EIF3I: variants seen among roughly 807,000 people sequenced by gnomAD.
EIF3I encodes eukaryotic translation initiation factor 3 subunit I.
A neutral mutation model predicts 43.3 loss-of-function variants in EIF3I; 20 were observed. That is an observed-to-expected ratio of 0.46 (90% CI 0.32 to 0.67). EIF3I has a LOEUF of 0.67. Among genes scored for constraint, EIF3I ranks in the 30% least tolerant of loss-of-function variants. The pLI is 0.03. For synonymous variants in EIF3I, 167 were observed against 151.7 expected, an observed-to-expected ratio of 1.10 and a Z score of -0.74; for missense variants, 279 against 421.4, an observed-to-expected ratio of 0.66 and a Z score of 2.96.
intron 2 of EIF3I, among the ~76,000 whole-genome samples, chr1:32,223,260 C>G (rs1210248595): frequency 6.6e-6 from 1 of 152,318 alleles, no homozygotes; most frequent in South Asian, 2.1e-4. Context: ...CCTCATGATA[C>G]TGCCTTTTGA....
rs561677161 is a variant in EIF3I at position 32,225,731 on chromosome 1, A to G, written c.251-440A>G. On this transcript the variant is annotated intron_variant, in intron 4 of 11. Coordinates refer to ENST00000676679, the Ensembl canonical transcript of EIF3I. The stretch of plus-strand genomic sequence containing the variant: ...AGGACAAGAGCGAAACTCCATCTCA[A>G]AAAAAAAAAGGCCGGGCGCGGTGGC... Among the ~76,000 whole-genome samples the G allele has an allele frequency of 5.4e-3, 783 of 144,734 alleles. 6 individuals carry two copies. Among genetic ancestry groups the G allele is most frequent in the African/African-American group, 0.019 (750 of 38,712 alleles). 95.0% of individuals were successfully genotyped at this position (144,734 alleles called of 152,430 possible).
intron 4 of EIF3I, 39 bp from the exon 5 acceptor site, chr1:32,226,132 T>C: frequency 6.2e-7 from 1 of 1,601,422 alleles, no homozygotes; most frequent in African/African-American, 1.3e-5. Flanking sequence ...TCCCTGCAAT[T>C]GCAATGGATG....
At chr1:32,227,686 G>A (rs895822781) in intron 6 of EIF3I, among the ~76,000 whole-genome samples, 1 of 152,076 alleles carries the variant, frequency 6.6e-6, no homozygotes, top group Non-Finnish European at 1.5e-5. Context: ...GAGGCTGAAA[G>A]ATTGCTTGAG....
At chr1:32,230,787 G>A (rs1639223203) in intron 10 of EIF3I, 140 bp from the exon 10 acceptor site, 4 of 642,366 alleles carry the variant, frequency 6.2e-6, no homozygotes, top group East Asian at 6.3e-5. Flanking sequence ...TTGCGCCACT[G>A]TACTCCACCC....
intron 4 of EIF3I, among the ~76,000 whole-genome samples, chr1:32,225,571 C>T (rs911337846): frequency 1.3e-5 from 2 of 151,170 alleles, no homozygotes; most frequent in Non-Finnish European, 2.9e-5. Flanking sequence ...GGTGAAACCC[C>T]GTCTATTAAA....
At chr1:32,234,946 C>G (rs1315648317), downstream of EIF3I, 1 of 152,752 alleles carries the variant, frequency 6.5e-6, no homozygotes, top group Admixed American at 6.5e-5. Flanking sequence ...GTCAATGGGG[C>G]CTTACCTCTC....
chr1:32,232,497 T>C (rs1295012131), downstream of EIF3I, among the ~76,000 whole-genome samples: 2 of 152,120 alleles, frequency 1.3e-5, no homozygotes, highest in African/African-American at 4.8e-5. Flanking sequence ...GCATACCCAC[T>C]GTGCAAAGCA....
At chr1:32,226,514 A>G (rs750551140) in exon 6 of EIF3I, 1 of 1,566,230 alleles carries the variant, frequency 6.4e-7, no homozygotes, top group Non-Finnish European at 8.6e-7. Flanking sequence ...GGAGAGCTCA[A>G]CCAGTATAGT....
Position 32,226,326 on chromosome 1 carries a change from G to T in EIF3I, c.400+6G>T, listed in dbSNP as rs1215587645. On this transcript the variant is annotated splice_donor_region_variant and intron_variant, in intron 5 of 11. Transcript: ENST00000676679. The stretch of plus-strand genomic sequence containing the variant: ...GCGGGATCCGAGCCAGATTGGTGAG[G>T]GCTGGGAATAGGGCTGGGGTTGAGG... The T allele has an allele frequency of 6.2e-7, 1 of 1,614,012 alleles. No individual in the cohort carries two copies. Among genetic ancestry groups the T allele is most frequent in the African/African-American group, 1.3e-5 (1 of 74,912 alleles).
At chr1:32,228,587 C>T (rs762483424) in exon 7 of EIF3I, 2 of 1,614,176 alleles carry the variant, frequency 1.2e-6, no homozygotes, top group Non-Finnish European at 8.5e-7. Flanking sequence ...TTTGTGACCG[C>T]GTCCAAGGAC....
chr1:32,228,764 T>C (rs1639188416), exon 8 of EIF3I: 17 of 1,614,118 alleles, frequency 1.1e-5, no homozygotes, highest in Non-Finnish European at 1.4e-5. Flanking sequence ...CAGAAGACTT[T>C]CCGGACAGAA....
At chr1:32,231,501 A>G (rs1228957733), downstream of EIF3I, 2 of 248,888 alleles carry the variant, frequency 8.0e-6, no homozygotes, top group Non-Finnish European at 1.6e-5. Flanking sequence ...CAAAAAAAAA[A>G]AAGAAGAAGG....
chr1:32,222,680 G>A, intron 2 of EIF3I, 50 bp downstream of exon 2: 5 of 1,570,896 alleles, frequency 3.2e-6, no homozygotes, highest in Admixed American at 1.7e-5. Context: ...CTTCTGCCAG[G>A]ACGATGGGTG....
intron 6 of EIF3I, 37 bp downstream of exon 6, chr1:32,226,567 ATT>A (rs373073695): frequency 0.014 from 17,194 of 1,266,742 alleles, 7 homozygotes; most frequent in South Asian, 0.047. Flanking sequence ...TACCAGAATA[ATT>A]TTTTTTTTTT....
downstream of EIF3I, among the ~76,000 whole-genome samples, chr1:32,233,321 A>AT (rs1193254475): frequency 6.6e-5 from 10 of 152,100 alleles, no homozygotes; most frequent in South Asian, 2.1e-3. Flanking sequence ...TGCCCGGCTA[A>AT]TTTTTTGTAT....
chr1:32,228,607 A>G (rs745537780), exon 7 of EIF3I: 5 of 1,614,044 alleles, frequency 3.1e-6, no homozygotes, highest in South Asian at 1.1e-5. Flanking sequence ...CAACACAGCC[A>G]AGGTGAGCCT....
rs1639116217 is a variant in EIF3I at position 32,224,737 on chromosome 1, C to A, written c.250+262C>A. 2.7e-5 allele frequency among the ~76,000 whole-genome samples: 4 copies of A among 149,048 alleles called. No homozygotes were observed. In the South Asian group the frequency reaches 8.5e-4, roughly 32 times the overall value. ...CCAGGCTGGAGAGCAATGGCACTAT[C>A]TCGGCTCACTGCAACCTCTGTCTCC... On this transcript the variant is annotated intron_variant, in intron 4 of 11. Coordinates refer to ENST00000676679, the Ensembl canonical transcript of EIF3I.
downstream of EIF3I, among the ~76,000 whole-genome samples, chr1:32,232,991 C>CTTAT (rs529414159): frequency 2.4e-3 from 364 of 152,122 alleles, 5 homozygotes; most frequent in East Asian, 7.9e-3. Flanking sequence ...CTTTTATTTA[C>CTTAT]TTATTTATTT....
rs774008206 is a variant in EIF3I, at chr1:32,228,626, G to T, written c.639+17G>T. ...ACAGCCAAGGTGAGCCTGGGCAGCG[G>T]TCTGGCAGGGCTGCTCCCTCCCTCC... On this transcript the variant is annotated intron_variant, in intron 7 of 11. Transcript: ENST00000676679. 5.5e-5 allele frequency: 88 copies of T among 1,611,288 alleles called. No individual in the cohort carries two copies. Among genetic ancestry groups the T allele is most frequent in the Non-Finnish European group, 6.8e-5 (80 of 1,177,456 alleles).
Sources: allele counts gnomAD v4.1 joint callset (sites outside exome capture counted in the v4.1 genomes callset), GRCh38; gene constraint gnomAD v4.1.1; transcripts MANE v1.5; gene names NCBI Gene and HGNC (gene_info 2026-07-23, HGNC 2026-07-21).